Variants in GRIA3 observed in about 807,000 individuals in gnomAD.
The protein encoded by GRIA3 is glutamate receptor 3.
A neutral mutation model predicts 63.0 loss-of-function variants in GRIA3; 3 were observed. That is an observed-to-expected ratio of 0.05 (90% CI 0.02 to 0.12). GRIA3 has a LOEUF of 0.12. Ranked by LOEUF, GRIA3 falls within the 10% of genes least tolerant of loss-of-function variation. The pLI, the probability that GRIA3 is intolerant of heterozygous loss-of-function variation, is 1.00. For synonymous variants in GRIA3, 274 were observed against 257.9 expected (o/e 1.06, Z -0.60); for missense variants, 347 against 700.9 (o/e 0.50, Z 5.70).
At chrX:123,396,218 A>AATAATG (rs2045412637) in intron 6 of GRIA3, among the ~76,000 whole-genome samples, 1 of 103,740 alleles carries the variant, frequency 9.6e-6, no homozygotes, top group African/African-American at 3.5e-5. Context: ...TAATAATAAT[A>AATAATG]ATAATAATAA....
At chrX:123,208,782 T>C (rs1028263150) in intron 2 of GRIA3, among the ~76,000 whole-genome samples, 6 of 112,223 alleles carry the variant, frequency 5.3e-5, no homozygotes, top group African/African-American at 1.9e-4. Context: ...CTTGTGTATA[T>C]ACAGGTGCTG....
chrX:123,347,746 C>T (rs1040034181), intron 4 of GRIA3, among the ~76,000 whole-genome samples: 2 of 112,313 alleles, frequency 1.8e-5, no homozygotes, highest in Non-Finnish European at 3.8e-5. Context: ...CAGAACCATC[C>T]GACTTCGAGG....
At position 123,395,072 on chromosome X, in the gene GRIA3, G is replaced by A. The variant is rs753875426; in HGVS notation, c.855G>A (p.Gln285=). ...ACCCTATGGTTCAGCAGTTCATACA[G>A]CGCTGGGTGAGGCTGGATGAAAGGG... ...NENPMVQQFI[Q]RWVRLDEREF... Residue 285 remains glutamine (Q), a synonymous_variant, in exon 6 of 16, where the codon CAG becomes CAA. Coordinates refer to ENST00000620443, the MANE Select transcript of GRIA3 (RefSeq NM_007325.5). 5 of 1,207,730 alleles carry A rather than the reference G, an allele frequency of 4.1e-6. No homozygotes were observed. The highest frequency in any genetic ancestry group is 4.3e-5 in the Admixed American group (2 of 46,071).
At chrX:123,447,291 A>C (rs1897950761) in intron 12 of GRIA3, among the ~76,000 whole-genome samples, 1 of 108,689 alleles carries the variant, frequency 9.2e-6, no homozygotes, top group Non-Finnish European at 1.9e-5. Context: ...ACAAAACAAA[A>C]CAAAAAAAAA....
chrX:123,447,356 TTTCTCTC>T (rs2045708279), intron 12 of GRIA3, among the ~76,000 whole-genome samples: 2 of 111,995 alleles, frequency 1.8e-5, no homozygotes, highest in South Asian at 7.4e-4. Context: ...GGGCTTTCAG[TTTCTCTC>T]TTCTAAGTTC....
intron 5 of GRIA3, among the ~76,000 whole-genome samples, chrX:123,379,976 TC>T: frequency 9.1e-6 from 1 of 110,110 alleles, no homozygotes; most frequent in East Asian, 2.9e-4. Context: ...CATGAACTCA[TC>T]CTTTTTTATG....
At chrX:123,451,505 TAAAAAAAAAAAAAAAAAAAAAAA>T (rs56991039) in intron 12 of GRIA3, among the ~76,000 whole-genome samples, 1 of 16,183 alleles carries the variant, frequency 6.2e-5, no homozygotes, top group African/African-American at 2.0e-4. Flanking sequence ...ACTCTGTCTC[TAAAAAAAAAAAAAAAAAAAAAAA>T]AAAAAAAAAA....
At chrX:123,407,667 G>A (rs988388690) in intron 10 of GRIA3, among the ~76,000 whole-genome samples, 1 of 75,750 alleles carries the variant, frequency 1.3e-5, no homozygotes, top group Admixed American at 2.1e-4. Context: ...TTGGGGGTTA[G>A]GATTTCAACA....
chrX:123,412,719 T>G (rs746759508), intron 10 of GRIA3, among the ~76,000 whole-genome samples: 9 of 111,636 alleles, frequency 8.1e-5, no homozygotes, highest in Non-Finnish European at 1.1e-4. Context: ...TTCCACCTGC[T>G]TTTTGCTATT....
chrX:123,189,214 C>T (rs1444696689), intron 2 of GRIA3, among the ~76,000 whole-genome samples: 1 of 112,446 alleles, frequency 8.9e-6, no homozygotes, highest in African/African-American at 3.2e-5. Context: ...TTCAACTTAG[C>T]TAGATAACCC....
chrX:123,419,452 T>C (rs2045553027), intron 11 of GRIA3, among the ~76,000 whole-genome samples: 1 of 109,798 alleles, frequency 9.1e-6, no homozygotes, highest in African/African-American at 3.3e-5. Flanking sequence ...ATAAGCCAGA[T>C]GCAAAAGGCC....
At chrX:123,302,839 A>G (rs188101104) in intron 3 of GRIA3, among the ~76,000 whole-genome samples, 1 of 111,042 alleles carries the variant, frequency 9.0e-6, no homozygotes, top group African/African-American at 3.3e-5. Flanking sequence ...GCCAAGGAAG[A>G]GCTATTGTAA....
chrX:123,482,404 T>C (rs892197013), intron 14 of GRIA3, among the ~76,000 whole-genome samples: 8 of 109,880 alleles, frequency 7.3e-5, no homozygotes, highest in Non-Finnish European at 1.5e-4. Context: ...ATGAAAAGAG[T>C]GTTACATTTA....
intron 13 of GRIA3, among the ~76,000 whole-genome samples, chrX:123,466,544 T>A (rs1176042940): frequency 5.4e-5 from 6 of 111,867 alleles, no homozygotes; most frequent in African/African-American, 1.6e-4. Context: ...AGAAAACCCA[T>A]CTTACTTGGC....
intron 8 of GRIA3, 71 bp from the exon 9 acceptor site, chrX:123,403,341 G>A: frequency 1.4e-6 from 1 of 729,921 alleles, no homozygotes; most frequent in Non-Finnish European, 2.2e-6. Flanking sequence ...TTCCACAACA[G>A]CACTTCAATT....
At chrX:123,281,687 G>T (rs919085455) in intron 3 of GRIA3, among the ~76,000 whole-genome samples, 5 of 111,389 alleles carry the variant, frequency 4.5e-5, no homozygotes, top group Non-Finnish European at 9.4e-5. Flanking sequence ...AATACATATA[G>T]CCTTCCCAGC....
intron 2 of GRIA3, among the ~76,000 whole-genome samples, chrX:123,221,543 C>G (rs754775382): frequency 8.9e-6 from 1 of 112,050 alleles, no homozygotes; most frequent in Admixed American, 9.4e-5. Flanking sequence ...ATGTGTGAGA[C>G]TATCCAGGAT....
At chrX:123,223,933 TG>T (rs2044231544) in intron 2 of GRIA3, among the ~76,000 whole-genome samples, 1 of 112,069 alleles carries the variant, frequency 8.9e-6, no homozygotes, top group South Asian at 3.8e-4. Flanking sequence ...TTCTTTTCAT[TG>T]CCAAATGTGT....
chrX:123,463,876 TAAG>T (rs1345344264), intron 12 of GRIA3, among the ~76,000 whole-genome samples: 24 of 110,237 alleles, frequency 2.2e-4, no homozygotes, highest in African/African-American at 7.3e-4. Context: ...TGCTCTAAAA[TAAG>T]AAGCAAAAGT....
Sources: allele counts gnomAD v4.1 joint callset (sites outside exome capture counted in the v4.1 genomes callset), GRCh38; gene constraint gnomAD v4.1.1; transcripts MANE v1.5; gene names NCBI Gene and HGNC (gene_info 2026-07-23, HGNC 2026-07-21).